ADAM10: variants seen among roughly 807,000 people sequenced by gnomAD.
ADAM10 encodes the protein ADAM metallopeptidase domain 10.
In ADAM10, 17 loss-of-function variants were observed where a neutral mutation model predicts 90.1. That is an observed-to-expected ratio of 0.19 (90% confidence interval 0.13 to 0.28). The LOEUF (loss-of-function observed/expected upper bound fraction) is 0.28. ADAM10 is among the 10% of genes least tolerant of loss of function. The pLI, the probability that ADAM10 is intolerant of heterozygous loss-of-function variation, is 1.00. For missense variants in ADAM10, 610 were observed against 914.3 expected, an observed-to-expected ratio of 0.67 and a Z score of 4.29; for synonymous variants, 310 against 298.6, an observed-to-expected ratio of 1.04 and a Z score of -0.40.
chr15:58,748,042 AAC>A (rs1179532687), intron 1 of ADAM10: 3 of 151,096 alleles, frequency 2.0e-5, no homozygotes, highest in Non-Finnish European at 2.9e-5. Flanking sequence ...AGGCTCCTCT[AAC>A]AGAGAGTCTC....
chr15:58,731,380 G>GATTAA (rs1411036910), intron 1 of ADAM10, among the ~76,000 whole-genome samples: 4 of 151,990 alleles, frequency 2.6e-5, no homozygotes, highest in East Asian at 1.9e-4. Context: ...ACACTTTGGG[G>GATTAA]GGCCGAGGCG....
In ADAM10 at chr15:58,644,234, G is replaced by GT. The variant is rs1213841759; in HGVS notation, c.736-257dup. ...TTGCGGTTTTTTTTTTTCTTTTTTT[G>GT]TTTTTTTTTTTGGAGACAAGAGTCT... is the stretch of plus-strand genomic sequence containing the variant. On this transcript the variant is annotated intron_variant, in intron 6 of 15. Coordinates refer to ENST00000260408, the MANE Select transcript of ADAM10 (RefSeq NM_001110.4). Among the ~76,000 whole-genome samples the GT allele has an allele frequency of 0.044, 5,855 of 133,462 alleles. 310 individuals are homozygous for GT. The highest frequency in any genetic ancestry group is 0.13 in the African/African-American group (4,603 of 36,402). 87.6% of individuals were successfully genotyped at this position (133,462 alleles called of 152,430 possible).
At chr15:58,747,292 T>C (rs1899823745) in intron 1 of ADAM10, 1 of 152,222 alleles carries the variant, frequency 6.6e-6, no homozygotes, top group Non-Finnish European at 1.5e-5. Flanking sequence ...CAGCTTCCCA[T>C]CCTAGTAATA....
chr15:58,731,998 G>A (rs141202079), intron 1 of ADAM10, among the ~76,000 whole-genome samples: 1 of 152,276 alleles, frequency 6.6e-6, no homozygotes, highest in African/African-American at 2.4e-5. Flanking sequence ...AAAAGAGCCT[G>A]GTGTTTGTGA....
chr15:58,637,690 C>T (rs762056561), intron 8 of ADAM10, among the ~76,000 whole-genome samples: 11 of 151,118 alleles, frequency 7.3e-5, no homozygotes, highest in Non-Finnish European at 1.5e-4. Flanking sequence ...TAAGATGTTA[C>T]TGTGTGTGTG....
intron 4 of ADAM10, among the ~76,000 whole-genome samples, chr15:58,671,981 GT>G (rs1332177133): frequency 6.6e-6 from 1 of 151,936 alleles, no homozygotes; most frequent in Non-Finnish European, 1.5e-5. Context: ...CTAGACTTCA[GT>G]TTCCGTCATC....
At position 58,595,703 on chromosome 15, in the gene ADAM10, T is replaced by C. The variant is rs556841433; in HGVS notation, c.*1844A>G. The C allele has an allele frequency of 6.6e-6, 1 of 152,214 alleles. No individual in the cohort carries two copies. The highest frequency in any genetic ancestry group is 2.1e-4 in the South Asian group (1 of 4,828). The allele number at this position is 152,214 out of a possible 1,614,324, so 9.4% of individuals were successfully genotyped here. The stretch of plus-strand genomic sequence containing the variant: ...TACCTGCCAAAATCCTACCACAGGA[T>C]AACATTACAAGCAAAAAATTTACAT... On this transcript the variant is annotated 3_prime_UTR_variant, in exon 16 of 16. Transcript: ENST00000260408.
chr15:58,650,360 G>C (rs1411656000), intron 5 of ADAM10, among the ~76,000 whole-genome samples: 4 of 152,164 alleles, frequency 2.6e-5, no homozygotes, highest in Admixed American at 1.3e-4. Context: ...AGTTAGGCTT[G>C]GTGCACTAGT....
rs1419262150 is a variant in ADAM10 at position 58,693,230 on chromosome 15, G to A, written c.207-10916C>T. On this transcript the variant is annotated intron_variant, in intron 2 of 15. Transcript: ENST00000260408. ...GGAAAAGGCTTACAAGTACTAGAGA[G>A]CAAGGTGGGCTGAGTGTCCAAAATG... 6 of 613,662 alleles carry A rather than the reference G, an allele frequency of 9.8e-6. No individual in the cohort carries two copies. In the East Asian group the frequency reaches 1.6e-4, roughly 17 times the overall value. The allele number at this position is 613,662 out of a possible 1,614,324, so 38.0% of individuals were successfully genotyped here. A position where few individuals can be genotyped will look rare whatever the true frequency, so the allele number is the denominator to read the frequency against.
intron 5 of ADAM10, among the ~76,000 whole-genome samples, chr15:58,657,231 T>C (rs1896849691): frequency 6.6e-6 from 1 of 152,248 alleles, no homozygotes; most frequent in Admixed American, 6.5e-5. Flanking sequence ...TTGATATCTT[T>C]TTCTAGGTTT....
chr15:58,694,580 C>A (rs747500667), intron 2 of ADAM10, among the ~76,000 whole-genome samples: 8 of 152,120 alleles, frequency 5.3e-5, no homozygotes, highest in Non-Finnish European at 8.8e-5. Context: ...CCCAGCAATT[C>A]TACTCAAGAA....
chr15:58,675,542 C>G (rs1170771101), intron 4 of ADAM10, among the ~76,000 whole-genome samples: 1 of 152,152 alleles, frequency 6.6e-6, no homozygotes, highest in East Asian at 1.9e-4. Flanking sequence ...GGGCAGAGGA[C>G]TAAGTGGTAT....
At chr15:58,597,792 A>G (rs747945334) in intron 15 of ADAM10, 151 bp from the exon 16 acceptor site, 2 of 656,480 alleles carry the variant, frequency 3.0e-6, no homozygotes, top group Non-Finnish European at 4.7e-6. Context: ...TCTGATAGCC[A>G]CAATAAAAAA....
chr15:58,627,661 G>T, intron 10 of ADAM10, 39 bp downstream of exon 10: 1 of 1,575,064 alleles, frequency 6.3e-7, no homozygotes, highest in South Asian at 1.1e-5. Context: ...CTGAATGTTT[G>T]AAAATGTTCA....
intron 8 of ADAM10, among the ~76,000 whole-genome samples, chr15:58,635,727 C>A (rs990391608): frequency 4.0e-5 from 6 of 151,514 alleles, no homozygotes; most frequent in Non-Finnish European, 7.4e-5. Context: ...GCAAATTGGT[C>A]CAATGCAGTA....
chr15:58,614,032 G>A (rs1003867611), intron 11 of ADAM10, among the ~76,000 whole-genome samples: 5 of 152,206 alleles, frequency 3.3e-5, no homozygotes, highest in African/African-American at 4.8e-5. Flanking sequence ...TTTGGCTGGG[G>A]TGCACTGGCT....
intron 4 of ADAM10, among the ~76,000 whole-genome samples, chr15:58,672,114 T>C (rs1897206604): frequency 1.3e-5 from 2 of 152,144 alleles, no homozygotes; most frequent in Admixed American, 1.3e-4. Context: ...TCAAATATAA[T>C]TTTACTTGTT....
intron 1 of ADAM10, among the ~76,000 whole-genome samples, chr15:58,729,974 C>CAA (rs57057137): frequency 3.0e-5 from 4 of 134,992 alleles, no homozygotes; most frequent in South Asian, 5.1e-4. Context: ...AAAACAAAAA[C>CAA]AAAAACAAAA....
At chr15:58,649,370 A>T (rs953526156) in intron 5 of ADAM10, among the ~76,000 whole-genome samples, 1 of 152,260 alleles carries the variant, frequency 6.6e-6, no homozygotes, top group South Asian at 2.1e-4. Flanking sequence ...ATACCACCCT[A>T]CAAGTCTTTA....
Sources: allele counts gnomAD v4.1 joint callset (sites outside exome capture counted in the v4.1 genomes callset), GRCh38; gene constraint gnomAD v4.1.1; transcripts MANE v1.5; gene names NCBI Gene and HGNC (gene_info 2026-07-23, HGNC 2026-07-21).